The following CWC27 variants were observed in gnomAD, a reference collection of about 807,000 sequenced individuals.
The protein encoded by CWC27 is spliceosome-associated protein CWC27 homolog.
CWC27 carries 47 observed loss-of-function variants against 63.6 expected under a neutral mutation model. That is an observed-to-expected ratio of 0.74 (90% CI 0.58 to 0.94). The LOEUF is 0.94. Ranked by LOEUF, CWC27 falls within the 40% of genes least tolerant of loss-of-function variation. CWC27 has a pLI of 0.00. For missense variants in CWC27, 495 were observed against 554.3 expected (o/e 0.89, Z 1.07); for synonymous variants, 175 against 179.8 (o/e 0.97, Z 0.22).
At chr5:64,911,729 C>T (rs899083145) in intron 11 of CWC27, among the ~76,000 whole-genome samples, 1 of 152,092 alleles carries the variant, frequency 6.6e-6, no homozygotes, top group Non-Finnish European at 1.5e-5. Flanking sequence ...ATATATCTCA[C>T]TTTGGGTCTG....
chr5:64,983,745 G>A (rs142110522), intron 13 of CWC27, among the ~76,000 whole-genome samples: 2 of 152,338 alleles, frequency 1.3e-5, no homozygotes, highest in African/African-American at 2.4e-5. Context: ...GAAGTGGTCT[G>A]TGACATGGCA....
intron 10 of CWC27, among the ~76,000 whole-genome samples, chr5:64,866,121 A>T (rs1290753021): frequency 6.6e-6 from 1 of 152,062 alleles, no homozygotes; most frequent in East Asian, 1.9e-4. Flanking sequence ...CTTGGTTTTC[A>T]TATCTATAAA....
At chr5:64,789,068 T>C (rs1743986167) in intron 7 of CWC27, 48 bp downstream of exon 7, 1 of 1,324,170 alleles carries the variant, frequency 7.6e-7, no homozygotes, top group Non-Finnish European at 1.1e-6. Flanking sequence ...GAGATTGGGG[T>C]CTATATCTTA....
At chr5:64,938,774 T>A (rs1312743966) in intron 11 of CWC27, among the ~76,000 whole-genome samples, 1 of 152,212 alleles carries the variant, frequency 6.6e-6, no homozygotes, top group African/African-American at 2.4e-5. Flanking sequence ...TTTCACATAG[T>A]CCCATATTTC....
chr5:64,900,161 G>A (rs1248427161), intron 11 of CWC27, among the ~76,000 whole-genome samples: 2 of 152,166 alleles, frequency 1.3e-5, no homozygotes, highest in African/African-American at 4.8e-5. Flanking sequence ...TTCCAAACTG[G>A]TTGTGCCATT....
chr5:64,858,819 G>A (rs1746326602), intron 10 of CWC27, among the ~76,000 whole-genome samples: 1 of 152,132 alleles, frequency 6.6e-6, no homozygotes, highest in African/African-American at 2.4e-5. Context: ...AATGTGACAA[G>A]CAATTTGACA....
intron 10 of CWC27, among the ~76,000 whole-genome samples, chr5:64,847,717 A>G (rs1009688029): frequency 1.3e-5 from 2 of 152,200 alleles, no homozygotes; most frequent in Non-Finnish European, 2.9e-5. Context: ...AATCAATAAC[A>G]GGAAGAATTT....
chr5:64,885,238 G>T (rs190894411), intron 10 of CWC27, among the ~76,000 whole-genome samples: 1 of 151,860 alleles, frequency 6.6e-6, no homozygotes, highest in Non-Finnish European at 1.5e-5. Context: ...ATAGTAATTC[G>T]TATTGTTATT....
chr5:64,808,251 T>C (rs1453179699), intron 10 of CWC27: 26 of 996,320 alleles, frequency 2.6e-5, no homozygotes, highest in Non-Finnish European at 3.1e-5. Context: ...CTGTAGAATA[T>C]TAATTTTTAT....
At position 64,769,071 on chromosome 5, in the gene CWC27, C is replaced by T; in HGVS notation, c.-76C>T. 1 of 1,215,372 alleles carries T rather than the reference C, an allele frequency of 8.2e-7. No homozygotes were observed. The highest frequency in any genetic ancestry group is 1.2e-6 in the Non-Finnish European group (1 of 821,026). The allele number at this position is 1,215,372 out of a possible 1,614,324, so 75.3% of individuals were successfully genotyped here. A position where few individuals can be genotyped will look rare whatever the true frequency, so the allele number is the denominator to read the frequency against. On this transcript the variant is annotated 5_prime_UTR_variant, in exon 1 of 14. Coordinates refer to ENST00000381070, the MANE Select transcript of CWC27 (RefSeq NM_005869.4). ...CACTGGACTTAAGGAAGAGTGTACTCGTAGGCGGACAGCTTTAGTGGCCGG... is the reference window on the plus strand; with the variant it reads ...CACTGGACTTAAGGAAGAGTGTACTTGTAGGCGGACAGCTTTAGTGGCCGG...
chr5:64,870,222 A>G (rs1389944251), intron 10 of CWC27, among the ~76,000 whole-genome samples: 1 of 152,072 alleles, frequency 6.6e-6, no homozygotes, highest in East Asian at 1.9e-4. Flanking sequence ...GGTTAATAAA[A>G]TTGCCATGGA....
chr5:64,921,540 G>C (rs1747997277), intron 11 of CWC27, among the ~76,000 whole-genome samples: 1 of 152,042 alleles, frequency 6.6e-6, no homozygotes. Context: ...TTTACTTTGA[G>C]CTTATGGGTA....
At chr5:64,813,200 A>C (rs1012138668) in intron 10 of CWC27, among the ~76,000 whole-genome samples, 1 of 152,184 alleles carries the variant, frequency 6.6e-6, no homozygotes, top group African/African-American at 2.4e-5. Flanking sequence ...AATAGAAACC[A>C]TACTATATTT....
rs556264955 is a variant in CWC27, at chr5:64,839,724, A to G, written c.938+35338A>G. 3.1e-4 allele frequency among the ~76,000 whole-genome samples: 47 copies of G among 152,294 alleles called. 1 individual carries two copies. The highest frequency in any genetic ancestry group is 6.5e-4 in the Admixed American group (10 of 15,304). ...TTTAATATTTTTGAGTACTATCTTA[A>G]TGAGATAGATTACAGTGGGGGAAGA... On this transcript the variant is annotated intron_variant, in intron 10 of 13. Coordinates refer to ENST00000381070, the MANE Select transcript of CWC27 (RefSeq NM_005869.4).
intron 11 of CWC27, among the ~76,000 whole-genome samples, chr5:64,965,794 G>A (rs1317970195): frequency 6.6e-6 from 1 of 152,136 alleles, no homozygotes; most frequent in African/African-American, 2.4e-5. Context: ...CAATTTACGG[G>A]TGAATTTTAT....
At chr5:64,795,180 G>T (rs1744225099) in intron 7 of CWC27, among the ~76,000 whole-genome samples, 1 of 152,116 alleles carries the variant, frequency 6.6e-6, no homozygotes, top group Non-Finnish European at 1.5e-5. Flanking sequence ...GGCGGCCATG[G>T]CATGGAGAAT....
intron 11 of CWC27, among the ~76,000 whole-genome samples, chr5:64,914,474 C>G (rs2112382633): frequency 6.6e-6 from 1 of 152,158 alleles, no homozygotes; most frequent in East Asian, 1.9e-4. Flanking sequence ...GGGCAAGAGA[C>G]TTCACGAGGC....
At chr5:64,820,395 TTTGTTGTTG>T (rs35631244) in intron 10 of CWC27, among the ~76,000 whole-genome samples, 1 of 151,624 alleles carries the variant, frequency 6.6e-6, no homozygotes, top group Non-Finnish European at 1.5e-5. Context: ...TGTTTAACTT[TTTGTTGTTG>T]TTGTTGTTGT....
At chr5:64,867,948 G>T (rs910604037) in intron 10 of CWC27, among the ~76,000 whole-genome samples, 1 of 146,498 alleles carries the variant, frequency 6.8e-6, no homozygotes, top group Non-Finnish European at 1.5e-5. Context: ...TGGGGGGGGG[G>T]CTGTTGTTGT....
Sources: allele counts gnomAD v4.1 joint callset (sites outside exome capture counted in the v4.1 genomes callset), GRCh38; gene constraint gnomAD v4.1.1; transcripts MANE v1.5; gene names NCBI Gene and HGNC (gene_info 2026-07-23, HGNC 2026-07-21).